The following CTTNBP2 variants were observed in gnomAD, a reference collection of about 807,000 sequenced individuals.
CTTNBP2 encodes the protein cortactin binding protein 2.
A neutral mutation model predicts 156.9 loss-of-function variants in CTTNBP2; 108 were observed. The observed-to-expected ratio is 0.69, with a 90% CI of 0.59 to 0.81. The LOEUF (loss-of-function observed/expected upper bound fraction) is 0.81, where lower values mean the gene tolerates loss of function less well. CTTNBP2 is among the 30% of genes least tolerant of loss of function. The pLI, the probability that CTTNBP2 is intolerant of heterozygous loss-of-function variation, is 0.00. For missense variants in CTTNBP2, 1,924 were observed against 2,035.4 expected (o/e 0.95, Z 1.05); for synonymous variants, 767 against 751.8 (o/e 1.02, Z -0.33).
chr7:117,863,355 G>C (rs1340446003), intron 1 of CTTNBP2, among the ~76,000 whole-genome samples: 1 of 152,170 alleles, frequency 6.6e-6, no homozygotes, highest in Non-Finnish European at 1.5e-5. Flanking sequence ...GAGATTTCTT[G>C]CAGATGCTCC....
chr7:117,762,056 C>T (rs139783534), intron 9 of CTTNBP2, among the ~76,000 whole-genome samples: 6 of 152,258 alleles, frequency 3.9e-5, no homozygotes, highest in East Asian at 3.9e-4. Context: ...CCTCCTCGGT[C>T]GCTCTTTAAT....
chr7:117,716,171 A>G (rs35718774), intron 22 of CTTNBP2, among the ~76,000 whole-genome samples: 1 of 108,712 alleles, frequency 9.2e-6, no homozygotes, highest in Non-Finnish European at 2.1e-5. Flanking sequence ...CAGATAGTAT[A>G]AAAGGACTCG....
chr7:117,810,308 C>A (rs528562722), intron 3 of CTTNBP2, among the ~76,000 whole-genome samples: 10 of 152,100 alleles, frequency 6.6e-5, no homozygotes, highest in Admixed American at 6.6e-4. Context: ...ATTTTCATTT[C>A]CCCCCGCCAA....
chr7:117,725,149 T>C lies in CTTNBP2; in HGVS notation c.4164A>G (p.Lys1388=). 1 of 1,613,700 alleles carries C rather than the reference T, an allele frequency of 6.2e-7. No individual in the cohort carries two copies. Among genetic ancestry groups the C allele is most frequent in the Non-Finnish European group, 8.5e-7 (1 of 1,180,012 alleles). Residue 1388 remains lysine, a synonymous_variant, in exon 18 of 23, where the codon AAA becomes AAG. Transcript: ENST00000160373. ...RQPGFGQTTA[K]RHPSQGQQAV... ...CCTGCTGTCCTTGGCTAGGGTGTCT[T>C]TTAGCAGTTGTCTGCCCAAAGCCAG...
rs190212259 is a variant in CTTNBP2, at chr7:117,867,069, C to G, written c.82-5753G>C. ...ACCTCTCTAGGTACATAAGAACATG[C>G]ACTATATTAAGAATTCAGCTAATTG... On this transcript the variant is annotated intron_variant, in intron 1 of 22. Coordinates refer to ENST00000160373, the MANE Select transcript of CTTNBP2 (RefSeq NM_033427.3). Among the ~76,000 whole-genome samples, 6 of 152,294 alleles carry G rather than the reference C, an allele frequency of 3.9e-5. No individual in the cohort carries two copies. The East Asian group carries it at 1.2e-3, about 29-fold the overall frequency.
chr7:117,836,531 C>A (rs1299271982), intron 2 of CTTNBP2, among the ~76,000 whole-genome samples: 4 of 152,180 alleles, frequency 2.6e-5, no homozygotes, highest in African/African-American at 4.8e-5. Flanking sequence ...CCACTGCACT[C>A]CAGCCTGGGC....
intron 14 of CTTNBP2, among the ~76,000 whole-genome samples, chr7:117,739,849 T>C (rs36073009): frequency 0.046 from 6,989 of 152,296 alleles, 215 homozygotes; most frequent in African/African-American, 0.07. Flanking sequence ...TTCTGGAGAC[T>C]CCAATTGTCA....
At position 117,757,928 on chromosome 7, in the gene CTTNBP2, G is replaced by C; in HGVS notation, c.3215C>G (p.Pro1072Arg). Residue 1072 changes from proline to arginine, a missense_variant, in exon 11 of 23, where the codon CCG becomes CGG. Physicochemically the swap from Pro to Arg is moderately radical, Grantham distance 103. Transcript: ENST00000160373. Reference sequence around the variant, plus strand: ...CTTATTCTTCCTCATAAAGTCCCACGGGGACTGCGCGAAGCTCTGACCCAC... The same window carrying C: ...CTTATTCTTCCTCATAAAGTCCCACCGGGACTGCGCGAAGCTCTGACCCAC... ...WSVGQSFAQS[P>R]WDFMRKNKAE... 1 of 1,613,434 alleles carries C rather than the reference G, an allele frequency of 6.2e-7. No homozygotes were observed. Among genetic ancestry groups the C allele is most frequent in the South Asian group, 1.1e-5 (1 of 90,986 alleles).
intron 22 of CTTNBP2, among the ~76,000 whole-genome samples, chr7:117,714,429 T>C (rs1794229900): frequency 6.6e-6 from 1 of 152,184 alleles, no homozygotes; most frequent in Non-Finnish European, 1.5e-5. Flanking sequence ...AAATATGGCA[T>C]TATAATAAGG....
intron 22 of CTTNBP2, chr7:117,712,315 A>G (rs1794104929): frequency 1.3e-5 from 2 of 152,354 alleles, no homozygotes; most frequent in South Asian, 2.1e-4. Flanking sequence ...TGGAAGCTGC[A>G]TGTTCTCATT....
intron 8 of CTTNBP2, among the ~76,000 whole-genome samples, chr7:117,769,499 G>A (rs544579563): frequency 6.6e-6 from 1 of 152,288 alleles, no homozygotes; most frequent in East Asian, 1.9e-4. Context: ...TGCCATTTAA[G>A]TCTGGCAATC....
chr7:117,749,132 A>C (rs1027813779), intron 12 of CTTNBP2, among the ~76,000 whole-genome samples: 2 of 152,226 alleles, frequency 1.3e-5, no homozygotes, highest in African/African-American at 4.8e-5. Context: ...AAATAATTTA[A>C]GGGTGTGTTC....
At chr7:117,861,067 T>C (rs917694941) in intron 2 of CTTNBP2, 142 bp downstream of exon 2, 1 of 618,286 alleles carries the variant, frequency 1.6e-6, no homozygotes, top group Non-Finnish European at 2.9e-6. Flanking sequence ...TGGGTTAGTG[T>C]TTGGGGTGAA....
chr7:117,811,316 C>T lies in CTTNBP2; in HGVS notation c.190-327G>A, dbSNP rs140625980. Among the ~76,000 whole-genome samples the T allele has an allele frequency of 3.7e-3, 563 of 152,148 alleles. 6 individuals carry two copies. Among genetic ancestry groups the T allele is most frequent in the African/African-American group, 0.013 (535 of 41,506 alleles). ...TTTTTACACCCCCACCCCTCCACCC[C>T]GCCCAACAGGGTCTTGCTCTGTCAT... is the stretch of plus-strand genomic sequence containing the variant. On this transcript the variant is annotated intron_variant, in intron 2 of 22. Transcript: ENST00000160373.
At chr7:117,767,996 C>T (rs1242722583) in intron 8 of CTTNBP2, among the ~76,000 whole-genome samples, 1 of 152,010 alleles carries the variant, frequency 6.6e-6, no homozygotes, top group Non-Finnish European at 1.5e-5. Context: ...TGGCTAATTT[C>T]CCACAAGGCT....
intron 14 of CTTNBP2, among the ~76,000 whole-genome samples, chr7:117,737,092 C>A (rs6971315): frequency 0.016 from 2,490 of 152,188 alleles, 67 homozygotes; most frequent in African/African-American, 0.056. Flanking sequence ...ATCACAGCCA[C>A]CTCTCAATCT....
Position 117,755,904 on chromosome 7 carries a change from C to T in CTTNBP2, c.3348+651G>A, listed in dbSNP as rs116645104. 1.8e-3 allele frequency among the ~76,000 whole-genome samples: 270 copies of T among 152,258 alleles called. 1 individual carries two copies. The highest frequency in any genetic ancestry group is 6.4e-3 in the African/African-American group (265 of 41,552). On this transcript the variant is annotated intron_variant, in intron 12 of 22. Transcript: ENST00000160373. ...TGTGCAATTCCCCTGAAAGGAAAGG[C>T]CTGCCCTCCAGGTTCTCTCTTTCCA...
intron 21 of CTTNBP2, among the ~76,000 whole-genome samples, chr7:117,718,689 T>G (rs559490141): frequency 6.6e-6 from 1 of 152,326 alleles, no homozygotes; most frequent in East Asian, 1.9e-4. Context: ...GTTTTCCATA[T>G]TTGGTCTCAA....
intron 2 of CTTNBP2, 31 bp from the exon 3 acceptor site, chr7:117,811,020 A>T (rs1451909042): frequency 6.8e-7 from 1 of 1,471,752 alleles, no homozygotes; most frequent in East Asian, 2.3e-5. Context: ...TGTATTGAAG[A>T]AAGAAATGAA....
Sources: allele counts gnomAD v4.1 joint callset (sites outside exome capture counted in the v4.1 genomes callset), GRCh38; gene constraint gnomAD v4.1.1; transcripts MANE v1.5; gene names NCBI Gene and HGNC (gene_info 2026-07-23, HGNC 2026-07-21).